The following ANKRD26 variants were observed in gnomAD, a reference collection of about 807,000 sequenced individuals.
The protein encoded by ANKRD26 is ankyrin repeat domain-containing protein 26.
ANKRD26 carries 141 observed loss-of-function variants against 208.7 expected under a neutral mutation model. The ratio of observed to expected loss-of-function variants is 0.68; its 90% CI spans 0.59 to 0.78. The LOEUF is 0.78. Among genes scored for constraint, ANKRD26 ranks in the 30% least tolerant of loss-of-function variants. The pLI, the probability that ANKRD26 is intolerant of heterozygous loss-of-function variation, is 0.00. For missense variants in ANKRD26, 1,889 were observed against 1,938.7 expected (o/e 0.97, Z 0.48); for synonymous variants, 636 against 660.4 (o/e 0.96, Z 0.57).
chr10:27,083,904 T>C (rs992009846), intron 5 of ANKRD26, among the ~76,000 whole-genome samples: 1 of 152,092 alleles, frequency 6.6e-6, no homozygotes, highest in African/African-American at 2.4e-5. Flanking sequence ...CAGGGTTGCA[T>C]AGCTATGACC....
At chr10:27,078,080 T>G (rs543614728) in intron 7 of ANKRD26, among the ~76,000 whole-genome samples, 1 of 152,196 alleles carries the variant, frequency 6.6e-6, no homozygotes, top group Non-Finnish European at 1.5e-5. Context: ...TGTGTATGCA[T>G]GATTTATATT....
At chr10:27,014,420 G>C in intron 31 of ANKRD26, 74 bp downstream of exon 31, 1 of 1,168,200 alleles carries the variant, frequency 8.6e-7, no homozygotes, top group Non-Finnish European at 1.2e-6. Context: ...TTAATCTCAT[G>C]AACCTAAGAA....
At chr10:26,972,094 G>T (rs1199359631), downstream of ANKRD26, among the ~76,000 whole-genome samples, 5 of 152,014 alleles carry the variant, frequency 3.3e-5, no homozygotes, top group Admixed American at 1.3e-4. Context: ...AATTAGCCAG[G>T]CGTGGTGGCG....
intron 21 of ANKRD26, among the ~76,000 whole-genome samples, chr10:27,038,987 T>A (rs923132844): frequency 6.6e-6 from 1 of 152,190 alleles, no homozygotes; most frequent in Non-Finnish European, 1.5e-5. Context: ...TAAACAATTT[T>A]AAAATCTCTT....
rs139660536 is a variant in ANKRD26 at position 27,079,589 on chromosome 10, C to T, written c.741-428G>A. 7.7e-4 allele frequency among the ~76,000 whole-genome samples: 117 copies of T among 152,272 alleles called. 1 individual carries two copies. Among genetic ancestry groups the T allele is most frequent in the African/African-American group, 2.7e-3 (114 of 41,556 alleles). On this transcript the variant is annotated intron_variant, in intron 6 of 33. Transcript: ENST00000376087. Reference sequence around the variant, plus strand: ...AAGGTGGAGATCAGATGCGGTGGCTCGTGCCTGTAATCCCAGAACTTTGGG... The same window carrying T: ...AAGGTGGAGATCAGATGCGGTGGCTTGTGCCTGTAATCCCAGAACTTTGGG...
At chr10:26,995,716 T>C (rs114400334) in intron 4 of ANKRD26, among the ~76,000 whole-genome samples, 3,073 of 152,286 alleles carry the variant, frequency 0.02, 87 homozygotes, top group African/African-American at 0.07. Flanking sequence ...CCCCAAATAT[T>C]TGACTTGGGG....
exon 6 of ANKRD26, among the ~76,000 whole-genome samples, chr10:26,974,350 T>C (rs2052193387): frequency 6.6e-6 from 1 of 151,582 alleles, no homozygotes; most frequent in Non-Finnish European, 1.5e-5. Flanking sequence ...CATTTTTTTT[T>C]TTTTTTTTGA....
At chr10:27,093,214 C>A in intron 3 of ANKRD26, 135 bp downstream of exon 3, 2 of 848,224 alleles carry the variant, frequency 2.4e-6, no homozygotes, top group East Asian at 2.7e-5. Flanking sequence ...AAATCTTAGA[C>A]AATTAAGTTA....
In ANKRD26 at chr10:27,100,354, C is replaced by T. The variant is rs1484848202; in HGVS notation, c.-28G>A. 1.2e-6 allele frequency: 2 copies of T among 1,603,620 alleles called. No homozygotes were observed. Among genetic ancestry groups the T allele is most frequent in the South Asian group, 2.2e-5 (2 of 90,766 alleles). ...CCCAGGCGACCGGGCTTCAGAGACACCTCATGTCTCTCTCGGCTCTTAACG... is the reference window on the plus strand; with the variant it reads ...CCCAGGCGACCGGGCTTCAGAGACATCTCATGTCTCTCTCGGCTCTTAACG... On this transcript the variant is annotated 5_prime_UTR_variant, in exon 1 of 34. It adds an upstream start codon to the 5' untranslated region. Coordinates refer to ENST00000376087, the MANE Select transcript of ANKRD26 (RefSeq NM_014915.3).
rs373580951 is a variant in ANKRD26 at position 27,077,379 on chromosome 10, T to G, written c.1036A>C (p.Lys346Gln). ...TTTGCTAACGACTTGTGGGAAGGTTTTGGAAGAAGGTCAGGTGATTGATAG... is the reference window on the plus strand; with the variant it reads ...TTTGCTAACGACTTGTGGGAAGGTTGTGGAAGAAGGTCAGGTGATTGATAG... ...PTYQSPDLLP[K>Q]PSHKSLANPG... Residue 346 changes from lysine to glutamine, a missense_variant, in exon 9 of 34, where the codon AAA (lysine) becomes CAA (glutamine). Lys to Gln is a moderately conservative substitution (Grantham distance 53). Transcript: ENST00000376087. The G allele has an allele frequency of 1.2e-6, 2 of 1,613,974 alleles. No individual in the cohort carries two copies. Among genetic ancestry groups the G allele is most frequent in the African/African-American group, 2.7e-5 (2 of 74,914 alleles).
At chr10:26,952,640 T>C in the ANKRD26 span, among the ~76,000 whole-genome samples, 4 of 152,066 alleles carry the variant, frequency 2.6e-5, no homozygotes, top group Non-Finnish European at 5.9e-5. Context: ...TAAAAAATAA[T>C]AATAAAATAA....
intron 12 of ANKRD26, among the ~76,000 whole-genome samples, chr10:27,062,616 C>A (rs1215241466): frequency 6.6e-6 from 1 of 152,224 alleles, no homozygotes; most frequent in Non-Finnish European, 1.5e-5. Context: ...GTCCCCCAAA[C>A]TGAAATTGTA....
intron 21 of ANKRD26, among the ~76,000 whole-genome samples, chr10:27,039,522 AC>A (rs1174827133): frequency 6.6e-6 from 1 of 152,158 alleles, no homozygotes; most frequent in Non-Finnish European, 1.5e-5. Context: ...ACGTAAATTA[AC>A]TAAACTTTCC....
chr10:27,027,759 T>TA (rs2053714717), intron 27 of ANKRD26, among the ~76,000 whole-genome samples: 2 of 152,176 alleles, frequency 1.3e-5, no homozygotes, highest in South Asian at 4.1e-4. Flanking sequence ...GTCCCCAACT[T>TA]ACAATAGCCC....
Position 27,100,119 on chromosome 10 carries a change from T to C in ANKRD26, c.208A>G (p.Lys70Glu). 1 of 1,614,134 alleles carries C rather than the reference T, an allele frequency of 6.2e-7. No individual in the cohort carries two copies. The highest frequency in any genetic ancestry group is 8.5e-7 in the Non-Finnish European group (1 of 1,179,976). ...TTGTCTCTATCGTTCAAGCCATTCTTCCTGAGCAAAAGGATCTGCTGCACT... is the reference window on the plus strand; with the variant it reads ...TTGTCTCTATCGTTCAAGCCATTCTCCCTGAGCAAAAGGATCTGCTGCACT... ...AKVQQILLLR[K>E]NGLNDRDKMN... Residue 70 changes from lysine (K) to glutamate (E), a missense_variant, in exon 1 of 34, where the codon AAG becomes GAG. This residue lies in a region of ANKRD26 where 1,272 missense variants were observed against 1,273.8 expected (regional missense o/e 1.00). Coordinates refer to ENST00000376087, the MANE Select transcript of ANKRD26 (RefSeq NM_014915.3).
chr10:27,085,346 G>A lies in ANKRD26; in HGVS notation c.709+1193C>T, dbSNP rs1427254310. On this transcript the variant is annotated intron_variant, in intron 5 of 33. Transcript: ENST00000376087. ...GAACTCCTGACCTCATAATCCACCC[G>A]CCTCGGCCTCTCAAAGTGCTGGGAT... Among the ~76,000 whole-genome samples, 9 of 151,942 alleles carry A rather than the reference G, an allele frequency of 5.9e-5. No homozygotes were observed. In the East Asian group the frequency reaches 9.7e-4, roughly 16 times the overall value.
chr10:27,092,645 G>GA, intron 3 of ANKRD26, 133 bp from the exon 4 acceptor site: 2 of 719,558 alleles, frequency 2.8e-6, no homozygotes, highest in Admixed American at 4.8e-5. Context: ...GCTTCCCTTG[G>GA]AAACACCCCT....
chr10:27,057,945 A>T (rs1479858525), intron 15 of ANKRD26, among the ~76,000 whole-genome samples: 1 of 151,948 alleles, frequency 6.6e-6, no homozygotes. Context: ...CAAAAAAAAA[A>T]AAAAAGAAAA....
At chr10:26,972,049 C>T (rs112064411), downstream of ANKRD26, among the ~76,000 whole-genome samples, 3 of 152,052 alleles carry the variant, frequency 2.0e-5, no homozygotes, top group Non-Finnish European at 4.4e-5. Flanking sequence ...TCCTGGCTAA[C>T]ACGGTGAAAC....
Sources: allele counts gnomAD v4.1 joint callset (sites outside exome capture counted in the v4.1 genomes callset), GRCh38; gene constraint gnomAD v4.1.1; regional missense constraint gnomAD v4.1.1; transcripts MANE v1.5; gene names NCBI Gene and HGNC (gene_info 2026-07-23, HGNC 2026-07-21).